PIP4K2B: variants seen among roughly 807,000 people sequenced by gnomAD.
The protein encoded by PIP4K2B is phosphatidylinositol-5-phosphate 4-kinase type 2 beta.
A neutral mutation model predicts 42.0 loss-of-function variants in PIP4K2B; 3 were observed. That is an observed-to-expected ratio of 0.07 (90% CI 0.03 to 0.18). The LOEUF (loss-of-function observed/expected upper bound fraction) is 0.18. PIP4K2B is among the 10% of genes least tolerant of loss of function. PIP4K2B has a pLI of 1.00. For missense variants in PIP4K2B, 332 were observed against 562.3 expected (o/e 0.59, Z 4.14); for synonymous variants, 204 against 210.1 (o/e 0.97, Z 0.25).
At chr17:38,779,857 ATC>A (rs1471550437) in intron 4 of PIP4K2B, 1 of 295,998 alleles carries the variant, frequency 3.4e-6, no homozygotes, top group Non-Finnish European at 6.3e-6. Context: ...CACACCTTGC[ATC>A]TCTTCTGCCA....
chr17:38,789,686 G>C (rs1910241835), intron 1 of PIP4K2B, among the ~76,000 whole-genome samples: 1 of 152,168 alleles, frequency 6.6e-6, no homozygotes, highest in South Asian at 2.1e-4. Context: ...GCAGTAACTG[G>C]GCTGGGGAAC....
intron 1 of PIP4K2B, among the ~76,000 whole-genome samples, chr17:38,789,504 C>G (rs1205731803): frequency 6.6e-6 from 1 of 152,172 alleles, no homozygotes; most frequent in Non-Finnish European, 1.5e-5. Context: ...ACTTTCCTTG[C>G]AAATCCTGTT....
chr17:38,792,305 C>G (rs1011519988), intron 1 of PIP4K2B, among the ~76,000 whole-genome samples: 3 of 152,032 alleles, frequency 2.0e-5, no homozygotes, highest in African/African-American at 7.2e-5. Context: ...TGCCATCATG[C>G]CCAGCTAATT....
intron 1 of PIP4K2B, among the ~76,000 whole-genome samples, chr17:38,795,057 A>G (rs228234): frequency 1 from 143,441 of 143,458 alleles, 71,712 homozygotes; most frequent in Middle Eastern, 1. Flanking sequence ...CCAAGATCAC[A>G]CCGTTGCACT....
chr17:38,771,519 T>C (rs1377560878), intron 7 of PIP4K2B, among the ~76,000 whole-genome samples: 1 of 125,066 alleles, frequency 8.0e-6, no homozygotes, highest in Non-Finnish European at 1.6e-5. Context: ...CACTGCACTC[T>C]AGCTGGGTAA....
intron 4 of PIP4K2B, 61 bp downstream of exon 4, chr17:38,780,391 A>G (rs1909629237): frequency 1.4e-6 from 2 of 1,479,740 alleles, no homozygotes; most frequent in African/African-American, 1.4e-5. Context: ...AAGCTCCCCC[A>G]GGGCTCTCTT....
At chr17:38,793,404 C>T (rs1169352791) in intron 1 of PIP4K2B, among the ~76,000 whole-genome samples, 1 of 151,568 alleles carries the variant, frequency 6.6e-6, no homozygotes, top group Non-Finnish European at 1.5e-5. Context: ...CCACCATGCC[C>T]GACTAATTTT....
chr17:38,792,848 T>C (rs1158308473), intron 1 of PIP4K2B: 2 of 152,296 alleles, frequency 1.3e-5, no homozygotes, highest in East Asian at 3.8e-4. Context: ...TCTCCTGCTG[T>C]TTGAGTCCCA....
chr17:38,784,761 T>C (rs529582476), intron 2 of PIP4K2B, among the ~76,000 whole-genome samples: 1 of 152,314 alleles, frequency 6.6e-6, no homozygotes, highest in Admixed American at 6.5e-5. Flanking sequence ...ATTTGTGCGA[T>C]TTTCTATGTG....
At position 38,770,535 on chromosome 17, in the gene PIP4K2B, G is replaced by T; in HGVS notation, c.1071C>A (p.Ser357=). The T allele has an allele frequency of 6.4e-7, 1 of 1,562,290 alleles. No homozygotes were observed. The highest frequency in any genetic ancestry group is 1.1e-5 in the South Asian group (1 of 89,358). The change falls in exon 9 of 10, where the codon TCC becomes TCA. Residue 357 remains serine (S), a synonymous_variant. Coordinates refer to ENST00000619039, the MANE Select transcript of PIP4K2B (RefSeq NM_003559.5). ...DVYAMKSHES[S]PKKEVYFMAI... is the part of the protein sequence containing the mutation. ...CCATGAAATACACCTCCTTCTTGGG[G>T]GAACCTGGAGGGACAAGGAGAGCAG...
intron 7 of PIP4K2B, among the ~76,000 whole-genome samples, chr17:38,775,310 T>C (rs1207663842): frequency 6.6e-6 from 1 of 152,078 alleles, no homozygotes; most frequent in Non-Finnish European, 1.5e-5. Flanking sequence ...TGATGCACAG[T>C]GGCATGATCA....
At chr17:38,778,438 G>A in intron 5 of PIP4K2B, 66 bp from the exon 6 acceptor site, 1 of 1,456,110 alleles carries the variant, frequency 6.9e-7, no homozygotes, top group South Asian at 1.1e-5. Flanking sequence ...AGCAAACATG[G>A]GAGAGCCAGC....
intron 5 of PIP4K2B, 21 bp downstream of exon 5, chr17:38,779,362 G>C: frequency 1.3e-6 from 2 of 1,547,416 alleles, no homozygotes; most frequent in Non-Finnish European, 1.8e-6. Context: ...GCACAGCTCC[G>C]GCAAACACAG....
At chr17:38,776,813 T>C (rs933018071) in intron 7 of PIP4K2B, among the ~76,000 whole-genome samples, 45 of 152,196 alleles carry the variant, frequency 3.0e-4, no homozygotes, top group African/African-American at 1.1e-3. Flanking sequence ...ATTTTCACTA[T>C]TTAGCACCTG....
intron 1 of PIP4K2B, among the ~76,000 whole-genome samples, chr17:38,792,130 AT>A (rs1456971318): frequency 2.7e-5 from 4 of 148,322 alleles, no homozygotes; most frequent in Admixed American, 2.0e-4. Flanking sequence ...CTCTATGCTG[AT>A]CTACTGGAGA....
Position 38,799,123 on chromosome 17 carries a change from T to C in PIP4K2B, c.159+143A>G. ...GGAGTGCACACGGGGCCGAAAGGCG[T>C]GCAAGGGTGGGGTGGGCGTGCAAGT... On this transcript the variant is annotated intron_variant, in intron 1 of 9. Transcript: ENST00000619039. This position sits in a 1 kb window ranked among gnomAD's most constrained non-coding sequence, Gnocchi z 4.4. 2.4e-6 allele frequency: 2 copies of C among 832,714 alleles called. No homozygotes were observed. The highest frequency in any genetic ancestry group is 3.4e-6 in the Non-Finnish European group (2 of 586,312). The allele number at this position is 832,714 out of a possible 1,614,324, so 51.6% of individuals were successfully genotyped here.
intron 2 of PIP4K2B, 84 bp downstream of exon 2, chr17:38,786,739 C>T: frequency 2.3e-6 from 2 of 874,214 alleles, no homozygotes; most frequent in South Asian, 1.3e-5. Flanking sequence ...GCCTTGGCTC[C>T]CACCATGCAT....
intron 9 of PIP4K2B, among the ~76,000 whole-genome samples, 154 bp downstream of exon 9, chr17:38,770,282 G>A (rs1395868083): frequency 2.0e-5 from 3 of 152,190 alleles, no homozygotes; most frequent in African/African-American, 7.2e-5. Context: ...TGGCAAGGCA[G>A]GCAGGCTGCT....
chr17:38,783,704 G>A (rs572481818), intron 3 of PIP4K2B, among the ~76,000 whole-genome samples: 8 of 152,002 alleles, frequency 5.3e-5, no homozygotes, highest in African/African-American at 1.9e-4. Context: ...AGGTTCAAGC[G>A]ATTCTCCTGC....
Sources: gnomAD v4.1 joint callset for allele counts (sites outside exome capture counted in the v4.1 genomes callset) on GRCh38, gnomAD v4.1.1 for gene constraint, Gnocchi (gnomAD v3.1) non-coding constraint, MANE v1.5 for transcripts, NCBI Gene and HGNC (gene_info 2026-07-23, HGNC 2026-07-21) for gene names.